INTS1: variants seen among roughly 807,000 people sequenced by gnomAD.
INTS1 encodes integrator complex subunit 1.
In INTS1, 137 loss-of-function variants were observed where a neutral mutation model predicts 241.6. That is an observed-to-expected ratio of 0.57 (90% confidence interval 0.49 to 0.65). The LOEUF (loss-of-function observed/expected upper bound fraction) is 0.65. Ranked by LOEUF, INTS1 falls within the 30% of genes least tolerant of loss-of-function variation. The pLI is 0.00. For synonymous variants in INTS1, 1,692 were observed against 1,337.8 expected (o/e 1.26, Z -5.78); for missense variants, 3,073 against 3,032.2 (o/e 1.01, Z -0.32).
chr7:1,491,902 C>A (rs1782570231), intron 16 of INTS1, among the ~76,000 whole-genome samples: 1 of 152,202 alleles, frequency 6.6e-6, no homozygotes, highest in South Asian at 2.1e-4. Context: ...GACTCCGTTC[C>A]CCACAAAAAA....
At chr7:1,492,062 G>A (rs1782581033) in intron 16 of INTS1, among the ~76,000 whole-genome samples, 6 of 152,162 alleles carry the variant, frequency 3.9e-5, no homozygotes, top group Admixed American at 3.9e-4. Context: ...ACTCAAGGTG[G>A]GGCAGCCGCT....
At position 1,470,676 on chromosome 7, in the gene INTS1, C is replaced by T. The variant is rs1229324366; in HGVS notation, c.6474G>A (p.Leu2158=). 1.9e-6 allele frequency: 3 copies of T among 1,568,492 alleles called. No individual in the cohort carries two copies. The highest frequency in any genetic ancestry group is 2.6e-6 in the Non-Finnish European group (3 of 1,157,802). ...ALLCQEHAAV[L]LHRAFLVGMY... is the part of the protein sequence containing the mutation. ...TGCCCACCAGGAAGGCCCGGTGGAGCAGCACAGCCGCGTGCTCTGTGGGGG... is the reference window on the plus strand; with the variant it reads ...TGCCCACCAGGAAGGCCCGGTGGAGTAGCACAGCCGCGTGCTCTGTGGGGG... The change falls in exon 48 of 48, where the codon CTG becomes CTA. Residue 2158 remains leucine (L), a synonymous_variant. Transcript: ENST00000404767.
rs1390413223 is a variant in INTS1 at position 1,499,064 on chromosome 7, G to A, written c.1048C>T (p.Leu350Phe). ...RQPIDNVSRN[L>F]LRLLTSTCGY... ...CAGGTGGAGGTGAGGAGCCGCAGGA[G>A]GTTCCTGGAGACGTTGTCGATGGGC... Residue 350 changes from leucine (L) to phenylalanine (F), a missense_variant, in exon 8 of 48, where the codon CTC becomes TTC. Transcript: ENST00000404767. 1.2e-6 allele frequency: 2 copies of A among 1,605,004 alleles called. No individual in the cohort carries two copies. Among genetic ancestry groups the A allele is most frequent in the Non-Finnish European group, 1.7e-6 (2 of 1,176,988 alleles).
At position 1,479,688 on chromosome 7, in the gene INTS1, G is replaced by A; in HGVS notation, c.4075-4C>T. On this transcript the variant is annotated splice_region_variant and splice_polypyrimidine_tract_variant and intron_variant, in intron 30 of 47. Transcript: ENST00000404767. ...GGTCCGGGCTGAGCGGGAAAATCTG[G>A]AACGGGGAAGGCCAGTGTCAGGAGG... The A allele has an allele frequency of 2.7e-6, 4 of 1,460,934 alleles. No homozygotes were observed. The highest frequency in any genetic ancestry group is 2.7e-6 in the Non-Finnish European group (3 of 1,105,214). 90.5% of individuals were successfully genotyped at this position (1,460,934 alleles called of 1,614,324 possible).
chr7:1,475,118 TC>T (rs1389991166), intron 39 of INTS1, among the ~76,000 whole-genome samples: 7 of 152,324 alleles, frequency 4.6e-5, no homozygotes, highest in African/African-American at 1.7e-4. Flanking sequence ...GCGCAGTGGC[TC>T]ACGCCTGCCA....
rs1781401186 is a variant in INTS1, at chr7:1,470,471, C to G, written c.*106G>C. 1.1e-6 allele frequency: 1 copy of G among 873,556 alleles called. No homozygotes were observed. The highest frequency in any genetic ancestry group is 3.2e-5 in the Admixed American group (1 of 30,822). The allele number at this position is 873,556 out of a possible 1,614,324, so 54.1% of individuals were successfully genotyped here. ...GCCTGGCCTCAGGGCTCGGCGCCCT[C>G]ACCTCCTCGGACAGACCAGCAACGC... is the stretch of plus-strand genomic sequence containing the variant. On this transcript the variant is annotated 3_prime_UTR_variant, in exon 48 of 48. Transcript: ENST00000404767.
chr7:1,472,867 G>A (rs1356787814), intron 43 of INTS1, among the ~76,000 whole-genome samples: 2 of 152,158 alleles, frequency 1.3e-5, no homozygotes, highest in Non-Finnish European at 2.9e-5. Context: ...ATGTGCCGGG[G>A]GGCAGGTGTG....
chr7:1,473,246 G>C lies in INTS1; in HGVS notation c.5958-62C>G. Reference sequence around the variant, plus strand: ...GCTGGCAGGAGGAAGGCTGGGTCAGGGGTCAAACTAGGGTGGCATGGGAGC... The same window carrying C: ...GCTGGCAGGAGGAAGGCTGGGTCAGCGGTCAAACTAGGGTGGCATGGGAGC... On this transcript the variant is annotated intron_variant, in intron 42 of 47. Transcript: ENST00000404767. 7 of 1,232,346 alleles carry C rather than the reference G, an allele frequency of 5.7e-6. No homozygotes were observed. The South Asian group carries it at 9.0e-5, about 16-fold the overall frequency. The allele number at this position is 1,232,346 out of a possible 1,614,324, so 76.3% of individuals were successfully genotyped here. A position where few individuals can be genotyped will look rare whatever the true frequency, so the allele number is the denominator to read the frequency against.
In INTS1 at chr7:1,484,015, C is replaced by A; in HGVS notation, c.3417G>T (p.Glu1139Asp). Reference protein sequence around the residue: ...RRMRQSKEGEEVYSWSESQDQ... With the variant: ...RRMRQSKEGEDVYSWSESQDQ... ...TCCTCGCCCTCACCCAGCTGTAGAC[C>A]TCCTCGCCCTCCTTGCTCTGCCGCA... The change falls in exon 25 of 48, where the codon GAG (glutamate) becomes GAT (aspartate). Residue 1139 changes from glutamate (E) to aspartate (D), a missense_variant. Transcript: ENST00000404767. 6.2e-7 allele frequency: 1 copy of A among 1,608,734 alleles called. No homozygotes were observed. Among genetic ancestry groups the A allele is most frequent in the Non-Finnish European group, 8.5e-7 (1 of 1,177,718 alleles).
chr7:1,481,542 G>A lies in INTS1; in HGVS notation c.3704-54C>T, dbSNP rs891004322. On this transcript the variant is annotated intron_variant, in intron 27 of 47. Transcript: ENST00000404767. This position sits in a 1 kb window ranked among gnomAD's most constrained non-coding sequence, Gnocchi z 6.8. ...CCCAAAACCCGGGCAATGCGCACTCGGGACCCCACCCGAGACCTGGGGCTG... is the reference window on the plus strand; with the variant it reads ...CCCAAAACCCGGGCAATGCGCACTCAGGACCCCACCCGAGACCTGGGGCTG... 84 of 1,545,472 alleles carry A rather than the reference G, an allele frequency of 5.4e-5. 1 individual carries two copies. The highest frequency in any genetic ancestry group is 8.5e-5 in the South Asian group (7 of 82,420).
chr7:1,495,581 C>T, intron 12 of INTS1, 28 bp from the exon 13 acceptor site: 1 of 1,594,394 alleles, frequency 6.3e-7, no homozygotes, highest in Admixed American at 1.7e-5. Context: ...CTTAGTGGCC[C>T]ATCCGAGCCA....
Position 1,481,347 on chromosome 7 carries a change from T to C in INTS1, c.3845A>G (p.Asp1282Gly), listed in dbSNP as rs774807779. Residue 1282 changes from aspartate to glycine, a missense_variant, in exon 28 of 48, where the codon GAC (aspartate) becomes GGC (glycine). By Grantham distance (94) the Asp-to-Gly change is moderately conservative (BLOSUM62 -1). Transcript: ENST00000404767. This position sits in a 1 kb window ranked among gnomAD's most constrained non-coding sequence, Gnocchi z 6.8. ...DPQTLEQNIM[D>G]KNYMAHLVEV... Reference sequence around the variant, plus strand: ...GCAGGTCCCTGGCATCTTACTCTTGTCCATGATGTTCTGCTCCAGAGTCTG... The same window carrying C: ...GCAGGTCCCTGGCATCTTACTCTTGCCCATGATGTTCTGCTCCAGAGTCTG... The C allele has an allele frequency of 6.2e-7, 1 of 1,612,852 alleles. No individual in the cohort carries two copies. Among genetic ancestry groups the C allele is most frequent in the Non-Finnish European group, 8.5e-7 (1 of 1,179,724 alleles).
rs746192725 is a variant in INTS1 at position 1,500,393 on chromosome 7, A to G, written c.350-27T>C. 16 of 1,526,940 alleles carry G rather than the reference A, an allele frequency of 1.0e-5. No individual in the cohort carries two copies. In the Admixed American group the frequency reaches 3.0e-4, roughly 28 times the overall value. 94.6% of individuals were successfully genotyped at this position (1,526,940 alleles called of 1,614,324 possible). ...TGGCCGGGGCAGGCGGTACGGTCAG[A>G]ACGGGGCCAGGGCAGGGTCACCCCA... On this transcript the variant is annotated intron_variant, in intron 3 of 47. Transcript: ENST00000404767.
At chr7:1,491,604 G>A (rs914105667) in intron 16 of INTS1, among the ~76,000 whole-genome samples, 1 of 152,222 alleles carries the variant, frequency 6.6e-6, no homozygotes, top group African/African-American at 2.4e-5. Flanking sequence ...GCTCAAAATT[G>A]AAAACTCCTG....
intron 12 of INTS1, among the ~76,000 whole-genome samples, chr7:1,495,833 C>A (rs1048598832): frequency 6.6e-6 from 1 of 152,182 alleles, no homozygotes; most frequent in Non-Finnish European, 1.5e-5. Context: ...TAATCAAACA[C>A]CCGGACTGCC....
intron 29 of INTS1, 56 bp from the exon 30 acceptor site, chr7:1,480,497 G>T: frequency 6.3e-7 from 1 of 1,578,942 alleles, no homozygotes; most frequent in Non-Finnish European, 8.6e-7. Context: ...GCTTCCAGCG[G>T]TGGGAACTGT....
intron 1 of INTS1, 71 bp from the exon 2 acceptor site, chr7:1,504,072 C>T (rs1562527797): frequency 2.4e-6 from 2 of 823,056 alleles, no homozygotes; most frequent in Admixed American, 2.7e-5. Flanking sequence ...GCTCCCTTGC[C>T]GCACGGGGCT....
rs1401825315 is a variant in INTS1, at chr7:1,493,397, C to G, written c.2069-291G>C. Among the ~76,000 whole-genome samples, 1 of 152,084 alleles carries G rather than the reference C, an allele frequency of 6.6e-6. No homozygotes were observed. Among genetic ancestry groups the G allele is most frequent in the Non-Finnish European group, 1.5e-5 (1 of 68,010 alleles). On this transcript the variant is annotated intron_variant, in intron 15 of 47. Transcript: ENST00000404767. The surrounding 1 kb of genome is among the most constrained non-coding windows in gnomAD (Gnocchi z 5.3). ...GGCAGGGTGGGGACCCGCAAGCCCT[C>G]GGGGCAGAGCCACGGACGAGGCGCG...
At chr7:1,479,194 G>T (rs969397742) in intron 31 of INTS1, among the ~76,000 whole-genome samples, 2 of 152,256 alleles carry the variant, frequency 1.3e-5, no homozygotes, top group African/African-American at 4.8e-5. Context: ...CAAGGCAGGA[G>T]CGCCGAGCCT....
Sources: allele counts gnomAD v4.1 joint callset (sites outside exome capture counted in the v4.1 genomes callset), GRCh38; gene constraint gnomAD v4.1.1; non-coding constraint Gnocchi (gnomAD v3.1); transcripts MANE v1.5; gene names NCBI Gene and HGNC (gene_info 2026-07-23, HGNC 2026-07-21).